MBNL2: variants seen among roughly 807,000 people sequenced by gnomAD.
MBNL2 encodes the protein muscleblind like splicing regulator 2, also known as muscleblind-like protein 2.
In MBNL2, 17 loss-of-function variants were observed where a neutral mutation model predicts 41.9. The ratio of observed to expected loss-of-function variants is 0.41; its 90% CI spans 0.28 to 0.61. The LOEUF (loss-of-function observed/expected upper bound fraction) is 0.61, where lower values mean the gene tolerates loss of function less well. Ranked by LOEUF, MBNL2 falls within the 20% of genes least tolerant of loss-of-function variation. The pLI is 0.35. For missense variants in MBNL2, 336 were observed against 505.6 expected, an observed-to-expected ratio of 0.66 and a Z score of 3.22; for synonymous variants, 195 against 182.9, an observed-to-expected ratio of 1.07 and a Z score of -0.53.
chr13:97,361,767 T>C (rs1176266707), intron 7 of MBNL2, among the ~76,000 whole-genome samples: 1 of 127,262 alleles, frequency 7.9e-6, no homozygotes, highest in African/African-American at 3.0e-5. Flanking sequence ...AATTTTTTTT[T>C]TTTTTTTTTT....
intron 5 of MBNL2, among the ~76,000 whole-genome samples, chr13:97,348,095 T>TTTC (rs1431299735): frequency 7.2e-6 from 1 of 139,834 alleles, no homozygotes; most frequent in Non-Finnish European, 1.5e-5. Context: ...TTTTTTTTTT[T>TTTC]TAAGACAAGG....
At chr13:97,285,497 T>G (rs1161420998) in intron 2 of MBNL2, among the ~76,000 whole-genome samples, 1 of 152,230 alleles carries the variant, frequency 6.6e-6, no homozygotes, top group Non-Finnish European at 1.5e-5. Flanking sequence ...CTTGTGATAA[T>G]CTGAATAATT....
chr13:97,292,440 T>A (rs938783603), intron 2 of MBNL2, among the ~76,000 whole-genome samples: 6 of 152,100 alleles, frequency 3.9e-5, no homozygotes, highest in Admixed American at 6.5e-5. Context: ...ACTAAACATA[T>A]CCTGTGTAAT....
chr13:97,212,308 A>T, the MBNL2 span, among the ~76,000 whole-genome samples: 3 of 151,436 alleles, frequency 2.0e-5, no homozygotes, highest in Non-Finnish European at 4.4e-5. Context: ...GTGGAAACAC[A>T]CTCCCTCACC....
At chr13:97,205,725 C>G in the MBNL2 span, among the ~76,000 whole-genome samples, 1 of 152,156 alleles carries the variant, frequency 6.6e-6, no homozygotes, top group Admixed American at 6.5e-5. Flanking sequence ...TGAGCTTTTA[C>G]TAAGATGATT....
At chr13:97,328,844 A>AT (rs879834984) in intron 2 of MBNL2, among the ~76,000 whole-genome samples, 12 of 151,948 alleles carry the variant, frequency 7.9e-5, no homozygotes, top group African/African-American at 2.2e-4. Flanking sequence ...ATTTTAATTG[A>AT]TTTTTTTTCA....
chr13:97,260,544 G>A (rs1308134035), intron 1 of MBNL2, among the ~76,000 whole-genome samples: 1 of 152,238 alleles, frequency 6.6e-6, no homozygotes, highest in Non-Finnish European at 1.5e-5. Flanking sequence ...CTCCAAGGCA[G>A]GGGCCAAGTG....
intron 1 of MBNL2, among the ~76,000 whole-genome samples, chr13:97,240,391 T>G (rs1168361471): frequency 2.6e-5 from 4 of 152,182 alleles, no homozygotes; most frequent in African/African-American, 9.6e-5. Context: ...ATGCTTGGGA[T>G]TAAATGAGAT....
chr13:97,172,843 G>A, the MBNL2 span: 1 of 152,262 alleles, frequency 6.6e-6, no homozygotes, highest in South Asian at 2.1e-4. Context: ...AGTGAAGGCA[G>A]AGTTTTCTTC....
At chr13:97,240,128 T>TCAGACTC (rs2043995166) in intron 1 of MBNL2, among the ~76,000 whole-genome samples, 3 of 152,132 alleles carry the variant, frequency 2.0e-5, no homozygotes, top group Admixed American at 6.5e-5. Flanking sequence ...AGGCCCCACC[T>TCAGACTC]CCCATGATTC....
At chr13:97,324,655 C>T (rs1346896258) in intron 2 of MBNL2, among the ~76,000 whole-genome samples, 9 of 152,144 alleles carry the variant, frequency 5.9e-5, no homozygotes, top group Non-Finnish European at 1.3e-4. Context: ...AAGTCCTGCA[C>T]TAAGCTGTCT....
chr13:97,312,245 G>A (rs1594194729), intron 2 of MBNL2, among the ~76,000 whole-genome samples: 1 of 152,148 alleles, frequency 6.6e-6, no homozygotes, highest in East Asian at 1.9e-4. Flanking sequence ...ATGGAATAAG[G>A]GGACGGAAAA....
chr13:97,248,697 C>G (rs1479945931), intron 1 of MBNL2, among the ~76,000 whole-genome samples: 2 of 151,466 alleles, frequency 1.3e-5, no homozygotes, highest in Non-Finnish European at 2.9e-5. Flanking sequence ...ATCAAGATAA[C>G]TTTTTTTTTA....
At chr13:97,303,275 A>C (rs2057811496) in intron 2 of MBNL2, among the ~76,000 whole-genome samples, 1 of 152,114 alleles carries the variant, frequency 6.6e-6, no homozygotes, top group Admixed American at 6.5e-5. Context: ...GCAGATTTGG[A>C]TGGCAGAAGT....
At chr13:97,212,991 T>C in the MBNL2 span, among the ~76,000 whole-genome samples, 10 of 152,302 alleles carry the variant, frequency 6.6e-5, no homozygotes, top group Admixed American at 5.9e-4. Context: ...CTCTAAGATT[T>C]GCCTGAGGAG....
intron 8 of MBNL2, among the ~76,000 whole-genome samples, chr13:97,383,672 A>G (rs2065682318): frequency 6.6e-6 from 1 of 151,858 alleles, no homozygotes; most frequent in African/African-American, 2.4e-5. Flanking sequence ...GGACATTACA[A>G]CCTCAGTGTG....
the MBNL2 span, among the ~76,000 whole-genome samples, chr13:97,183,192 C>T: frequency 6.6e-6 from 1 of 152,084 alleles, no homozygotes; most frequent in Non-Finnish European, 1.5e-5. Flanking sequence ...ATTTGATTTT[C>T]TCTTCTGTTT....
the MBNL2 span, among the ~76,000 whole-genome samples, chr13:97,199,903 A>C: frequency 6.6e-6 from 1 of 152,234 alleles, no homozygotes; most frequent in East Asian, 1.9e-4. Flanking sequence ...ACCTCCCTGC[A>C]ATTGTGGAAG....
the MBNL2 span, among the ~76,000 whole-genome samples, chr13:97,195,783 A>G: frequency 0.11 from 16,552 of 152,190 alleles, 1,614 homozygotes; most frequent in African/African-American, 0.26. Flanking sequence ...CATTTTTAAT[A>G]TTGCCAATTG....
Sources: gnomAD v4.1 joint callset for allele counts (sites outside exome capture counted in the v4.1 genomes callset) on GRCh38, gnomAD v4.1.1 for gene constraint, MANE v1.5 for transcripts, NCBI Gene and HGNC (gene_info 2026-07-23, HGNC 2026-07-21) for gene names.